LIPJ: variants seen among roughly 807,000 people sequenced by gnomAD.
LIPJ encodes the protein lipase family member J, also known as lipase member J.
Under a neutral mutation model 39.8 loss-of-function variants are expected in LIPJ, and 33 were observed. The ratio of observed to expected loss-of-function variants is 0.83; its 90% CI spans 0.63 to 1.11. The LOEUF is 1.11. Among genes scored for constraint, LIPJ ranks in the 50% least tolerant of loss-of-function variants. LIPJ has a pLI of 0.00. For missense variants in LIPJ, 422 were observed against 427.9 expected (o/e 0.99, Z 0.12); for synonymous variants, 128 against 139.2 (o/e 0.92, Z 0.57).
At chr10:88,612,615 C>A in the LIPJ span, among the ~76,000 whole-genome samples, 1 of 151,972 alleles carries the variant, frequency 6.6e-6, no homozygotes, top group East Asian at 1.9e-4. Flanking sequence ...AACTTTAAAG[C>A]AACAGCAGTT....
intron 8 of LIPJ, 105 bp downstream of exon 8, chr10:88,597,041 A>G: frequency 1.6e-6 from 1 of 631,892 alleles, no homozygotes; most frequent in Non-Finnish European, 2.7e-6. Context: ...TTTCATCCAC[A>G]TACACTAGTA....
At chr10:88,584,598 G>A (rs1850843137), upstream of LIPJ, 1 of 152,058 alleles carries the variant, frequency 6.6e-6, no homozygotes, top group Non-Finnish European at 1.5e-5. Flanking sequence ...CATTTGTTGA[G>A]TTTTTTGTTT....
intron 2 of LIPJ, among the ~76,000 whole-genome samples, chr10:88,589,663 A>C (rs985940948): frequency 6.6e-6 from 1 of 151,888 alleles, no homozygotes; most frequent in Non-Finnish European, 1.5e-5. Flanking sequence ...TAAGAAAGAC[A>C]TATCAAGTAT....
chr10:88,615,142 C>G, the LIPJ span, among the ~76,000 whole-genome samples: 1 of 151,938 alleles, frequency 6.6e-6, no homozygotes, highest in East Asian at 1.9e-4. Context: ...AAAGCATGAT[C>G]CTAAAGGAAA....
chr10:88,608,064 G>A (rs1364254706), downstream of LIPJ, among the ~76,000 whole-genome samples: 1 of 152,188 alleles, frequency 6.6e-6, no homozygotes, highest in African/African-American at 2.4e-5. Context: ...TCTTAACAAG[G>A]CCTGTCCTCA....
chr10:88,602,704 C>A, intron 9 of LIPJ, 57 bp downstream of exon 9: 1 of 1,079,612 alleles, frequency 9.3e-7, no homozygotes, highest in Non-Finnish European at 1.4e-6. Flanking sequence ...CATGGTTTAC[C>A]TCATTATTCT....
upstream of LIPJ, chr10:88,582,925 C>CTCGGCGCATGG (rs1023207960): frequency 1.2e-5 from 11 of 921,536 alleles, no homozygotes; most frequent in Non-Finnish European, 1.7e-5. Context: ...AGGCGCGCCA[C>CTCGGCGCATGG]TCGGCGCATG....
At chr10:88,587,766 G>A (rs921728105) in intron 2 of LIPJ, among the ~76,000 whole-genome samples, 1 of 151,922 alleles carries the variant, frequency 6.6e-6, no homozygotes, top group Admixed American at 6.6e-5. Context: ...CAGCATGGAT[G>A]GAAAATTATG....
At chr10:88,597,629 C>G (rs1851302188) in intron 8 of LIPJ, among the ~76,000 whole-genome samples, 1 of 151,906 alleles carries the variant, frequency 6.6e-6, no homozygotes, top group Non-Finnish European at 1.5e-5. Context: ...TAGGTATTCT[C>G]TTAATTCCCA....
At chr10:88,614,138 T>A in the LIPJ span, among the ~76,000 whole-genome samples, 5 of 151,920 alleles carry the variant, frequency 3.3e-5, no homozygotes, top group African/African-American at 1.2e-4. Context: ...GATAATTGGT[T>A]ATTTGATGAT....
At chr10:88,602,382 C>T (rs76560422) in intron 8 of LIPJ, among the ~76,000 whole-genome samples, 194 bp from the exon 9 acceptor site, 2,868 of 151,626 alleles carry the variant, frequency 0.019, 88 homozygotes, top group African/African-American at 0.066. Context: ...TCAATAATAG[C>T]TTCTATATTA....
At chr10:88,600,188 A>G (rs1013577066) in intron 8 of LIPJ, among the ~76,000 whole-genome samples, 2 of 152,106 alleles carry the variant, frequency 1.3e-5, no homozygotes, top group African/African-American at 4.8e-5. Context: ...ACTGTTTGGG[A>G]TACACTGAAT....
chr10:88,619,448 T>G, the LIPJ span, among the ~76,000 whole-genome samples: 1 of 28,710 alleles, frequency 3.5e-5, no homozygotes, highest in Non-Finnish European at 5.5e-5. Flanking sequence ...AAAATCCCCC[T>G]CTTGCCACAC....
intron 9 of LIPJ, 87 bp from the exon 10 acceptor site, chr10:88,605,546 G>T (rs943320825): frequency 1.2e-6 from 1 of 834,202 alleles, no homozygotes; most frequent in Non-Finnish European, 2.0e-6. Context: ...CAGTACAATG[G>T]GGGTATATAT....
chr10:88,614,012 G>T, the LIPJ span, among the ~76,000 whole-genome samples: 1 of 150,766 alleles, frequency 6.6e-6, no homozygotes, highest in African/African-American at 2.4e-5. Flanking sequence ...AGAGGAAAAG[G>T]CATCAATGGA....
At chr10:88,599,235 T>G (rs1348000385) in intron 8 of LIPJ, among the ~76,000 whole-genome samples, 1 of 151,732 alleles carries the variant, frequency 6.6e-6, no homozygotes, top group Non-Finnish European at 1.5e-5. Context: ...ACAATCAAGT[T>G]TAACACATCT....
exon 8 of LIPJ, chr10:88,596,800 G>A: frequency 6.3e-7 from 1 of 1,599,548 alleles, no homozygotes; most frequent in South Asian, 1.1e-5. Flanking sequence ...GCTTTTTCAG[G>A]CAACAAAGAC....
At chr10:88,619,803 A>G in the LIPJ span, among the ~76,000 whole-genome samples, 3 of 152,206 alleles carry the variant, frequency 2.0e-5, no homozygotes, top group African/African-American at 4.8e-5. Flanking sequence ...TAAAACTTCT[A>G]TAGAAAACAT....
At chr10:88,617,193 T>C in the LIPJ span, among the ~76,000 whole-genome samples, 31 of 152,256 alleles carry the variant, frequency 2.0e-4, no homozygotes, top group Non-Finnish European at 3.7e-4. Context: ...GGCTGAGCCA[T>C]GACAGAGTAA....
Sources: gnomAD v4.1 joint callset for allele counts (sites outside exome capture counted in the v4.1 genomes callset) on GRCh38, gnomAD v4.1.1 for gene constraint, MANE v1.5 for transcripts, NCBI Gene and HGNC (gene_info 2026-07-23, HGNC 2026-07-21) for gene names.